EDARADD: variants seen among roughly 807,000 people sequenced by gnomAD.
The protein encoded by EDARADD is EDAR associated via death domain.
In EDARADD, 20 loss-of-function variants were observed where a neutral mutation model predicts 25.6. That is an observed-to-expected ratio of 0.78 (90% CI 0.55 to 1.14). The LOEUF (loss-of-function observed/expected upper bound fraction) is 1.14. Ranked by LOEUF, EDARADD falls within the 50% of genes most tolerant of loss-of-function variation. The pLI is 0.00. For synonymous variants in EDARADD, 86 were observed against 94.4 expected (o/e 0.91, Z 0.52); for missense variants, 225 against 270.1 (o/e 0.83, Z 1.17).
intron 4 of EDARADD, among the ~76,000 whole-genome samples, chr1:236,429,071 G>A (rs1658019869): frequency 1.3e-5 from 2 of 152,128 alleles, no homozygotes; most frequent in Admixed American, 1.3e-4. Flanking sequence ...GTTGCAGTGA[G>A]TCGAGATGGC....
chr1:236,421,557 G>A (rs1657785978), intron 3 of EDARADD, among the ~76,000 whole-genome samples: 2 of 145,414 alleles, frequency 1.4e-5, no homozygotes, highest in Non-Finnish European at 3.0e-5. Context: ...GGGTGCAGTG[G>A]CTCAATCTCG....
chr1:236,466,440 A>ACACACACACACAC (rs1553270444), intron 4 of EDARADD, among the ~76,000 whole-genome samples: 90 of 124,468 alleles, frequency 7.2e-4, no homozygotes, highest in Non-Finnish European at 1.1e-3. Context: ...CTCTCTGATA[A>ACACACACACACAC]ACACACACAC....
rs575313875 is a variant in EDARADD, at chr1:236,425,413, C to G, written c.161-1979C>G. 1.3e-3 allele frequency among the ~76,000 whole-genome samples: 193 copies of G among 152,262 alleles called. 1 individual carries two copies. Among genetic ancestry groups the G allele is most frequent in the African/African-American group, 4.5e-3 (188 of 41,546 alleles). On this transcript the variant is annotated intron_variant, in intron 3 of 5. Transcript: ENST00000334232. ...TCACTGCCTTTGCCTTAGCAGCAACCAGGGCACCAGGGAAACTCCCCTGGG... is the reference window on the plus strand; with the variant it reads ...TCACTGCCTTTGCCTTAGCAGCAACGAGGGCACCAGGGAAACTCCCCTGGG...
chr1:236,354,701 A>G (rs1666954638), intron 3 of EDARADD, among the ~76,000 whole-genome samples: 1 of 152,340 alleles, frequency 6.6e-6, no homozygotes, highest in South Asian at 2.1e-4. Flanking sequence ...ACCTGGCCTT[A>G]GAAACACTTT....
At chr1:236,465,322 G>A (rs1030269966) in intron 4 of EDARADD, among the ~76,000 whole-genome samples, 1 of 152,156 alleles carries the variant, frequency 6.6e-6, no homozygotes, top group African/African-American at 2.4e-5. Context: ...CCGGAATGAC[G>A]TCCAGCTCCT....
chr1:236,382,768 G>T (rs1667315708), intron 3 of EDARADD, among the ~76,000 whole-genome samples: 2 of 152,126 alleles, frequency 1.3e-5, no homozygotes, highest in East Asian at 3.8e-4. Context: ...GAATTATAAG[G>T]TTGTTTTCCA....
At chr1:236,389,526 G>A (rs1388821776), upstream of EDARADD, among the ~76,000 whole-genome samples, 2 of 152,178 alleles carry the variant, frequency 1.3e-5, no homozygotes, top group African/African-American at 2.4e-5. Flanking sequence ...TAAGATTCAT[G>A]CTTAAATACA....
intron 4 of EDARADD, among the ~76,000 whole-genome samples, chr1:236,441,466 A>G (rs1377877326): frequency 6.8e-6 from 1 of 146,066 alleles, no homozygotes; most frequent in Non-Finnish European, 1.5e-5. Context: ...AATATTATAT[A>G]TTATATTATA....
At chr1:236,382,810 G>A (rs961937809) in intron 3 of EDARADD, among the ~76,000 whole-genome samples, 11 of 152,288 alleles carry the variant, frequency 7.2e-5, no homozygotes, top group Admixed American at 3.9e-4. Context: ...ACTATTACTA[G>A]CCCTGAGTGA....
intron 4 of EDARADD, among the ~76,000 whole-genome samples, chr1:236,441,178 A>T (rs1014747306): frequency 1.3e-5 from 2 of 150,978 alleles, no homozygotes; most frequent in African/African-American, 4.9e-5. Flanking sequence ...GATATGGAGA[A>T]TGTTTTAGTG....
intron 5 of EDARADD, among the ~76,000 whole-genome samples, chr1:236,479,905 GAGTGTGATGGTGTGCACCTAGTCCC>G (rs2103041213): frequency 1.1e-5 from 1 of 87,812 alleles, no homozygotes; most frequent in Admixed American, 1.0e-4. Flanking sequence ...AAAATTGACT[GAGTGTGATGGTGTGCACCTAGTCCC>G]AGCTGCTTGG....
At chr1:236,445,331 G>C (rs1378564239) in intron 4 of EDARADD, among the ~76,000 whole-genome samples, 1 of 144,848 alleles carries the variant, frequency 6.9e-6, no homozygotes, top group Non-Finnish European at 1.5e-5. Flanking sequence ...AGGTTCAAGT[G>C]ATTCTTCTGC....
At position 236,484,177 on chromosome 1, in the gene EDARADD, A is replaced by G. The variant is rs1049923864; in HGVS notation, c.*1528A>G. The G allele has an allele frequency of 2.2e-5, 26 of 1,178,244 alleles. No homozygotes were observed. Among genetic ancestry groups the G allele is most frequent in the Non-Finnish European group, 2.9e-5 (23 of 783,252 alleles). The allele number at this position is 1,178,244 out of a possible 1,614,324, so 73.0% of individuals were successfully genotyped here. ...TCGGCCGTGAATGAGAAGAAGTGCA[A>G]CTGCCTCCTGCTCAAAGTGAACCAG... On this transcript the variant is annotated 3_prime_UTR_variant, in exon 6 of 6. Transcript: ENST00000334232. The surrounding 1 kb of genome is among the most constrained non-coding windows in gnomAD (Gnocchi z 4.1).
chr1:236,363,033 A>ATATATATATATATATATAT (rs1558100919), intron 3 of EDARADD, among the ~76,000 whole-genome samples: 4 of 117,668 alleles, frequency 3.4e-5, no homozygotes, highest in Non-Finnish European at 3.4e-5. Flanking sequence ...ATATATATAT[A>ATATATATATATATATATAT]AAATTTGTGT....
At chr1:236,366,851 C>T (rs539630637) in intron 3 of EDARADD, among the ~76,000 whole-genome samples, 8 of 151,478 alleles carry the variant, frequency 5.3e-5, no homozygotes, top group South Asian at 2.1e-4. Flanking sequence ...CCGAGGTGGG[C>T]GGATCACCTG....
At chr1:236,379,667 T>G (rs1667275112) in intron 3 of EDARADD, among the ~76,000 whole-genome samples, 1 of 151,758 alleles carries the variant, frequency 6.6e-6, no homozygotes, top group Non-Finnish European at 1.5e-5. Context: ...TAATCCCAGC[T>G]ACTTGGGAGG....
Position 236,484,458 on chromosome 1 carries a change from C to G in EDARADD, c.*1809C>G. On this transcript the variant is annotated 3_prime_UTR_variant, in exon 6 of 6. Transcript: ENST00000334232. This position sits in a 1 kb window ranked among gnomAD's most constrained non-coding sequence, Gnocchi z 4.1. ...TGCCGGCAGGAACTTCAGAAACCCC[C>G]CAGCCAAGTAAGCTGTGGGCAGGCA... The G allele has an allele frequency of 6.2e-7, 1 of 1,608,620 alleles. No homozygotes were observed. The highest frequency in any genetic ancestry group is 8.5e-7 in the Non-Finnish European group (1 of 1,177,520).
Position 236,354,409 on chromosome 1 carries a change from A to G in EDARADD, c.-6+3570A>G, listed in dbSNP as rs143544576. 8.2e-4 allele frequency among the ~76,000 whole-genome samples: 125 copies of G among 152,320 alleles called. 5 individuals carry two copies. The East Asian group carries it at 0.024, about 29-fold the overall frequency. ...AAATTAATTAAACTCTCTGAGCCTC[A>G]GGTTCCCCAGCCATAAGATGATGAT... On this transcript the variant is annotated intron_variant, in intron 3 of 7. Coordinates refer to the EDARADD transcript ENST00000439430.
chr1:236,379,707 G>A (rs182964803), intron 3 of EDARADD, among the ~76,000 whole-genome samples: 2,539 of 152,066 alleles, frequency 0.017, 70 homozygotes, highest in African/African-American at 0.058. Flanking sequence ...TGAACCCCGG[G>A]GGGTGGAGGC....
Sources: allele counts gnomAD v4.1 joint callset (sites outside exome capture counted in the v4.1 genomes callset), GRCh38; gene constraint gnomAD v4.1.1; non-coding constraint Gnocchi (gnomAD v3.1); transcripts MANE v1.5; gene names NCBI Gene and HGNC (gene_info 2026-07-23, HGNC 2026-07-21).